The following CROCC2 variants were observed in gnomAD, a reference collection of about 807,000 sequenced individuals.
The protein encoded by CROCC2 is ciliary rootlet coiled-coil, rootletin family member 2.
A neutral mutation model predicts 177.6 loss-of-function variants in CROCC2; 163 were observed. That is an observed-to-expected ratio of 0.92 (90% CI 0.81 to 1.05). The LOEUF (loss-of-function observed/expected upper bound fraction) is 1.05, where lower values mean the gene tolerates loss of function less well. Among genes scored for constraint, CROCC2 ranks in the 50% least tolerant of loss-of-function variants. CROCC2 has a pLI of 0.00. For synonymous variants in CROCC2, 904 were observed against 787.3 expected, an observed-to-expected ratio of 1.15 and a Z score of -2.48; for missense variants, 1,929 against 1,797.8, an observed-to-expected ratio of 1.07 and a Z score of -1.32.
At chr2:240,987,787 T>G (rs77943515) in intron 28 of CROCC2, among the ~76,000 whole-genome samples, 12,466 of 152,324 alleles carry the variant, frequency 0.082, 587 homozygotes, top group Middle Eastern at 0.16. Flanking sequence ...CCAGCAGGCA[T>G]GACCCTCGGG....
intron 1 of CROCC2, among the ~76,000 whole-genome samples, chr2:240,907,578 G>C (rs1253283178): frequency 6.6e-6 from 1 of 152,184 alleles, no homozygotes; most frequent in African/African-American, 2.4e-5. Flanking sequence ...GGCCACAGCT[G>C]GTGCAGGTGA....
intron 1 of CROCC2, among the ~76,000 whole-genome samples, chr2:240,914,713 CG>C (rs889821590): frequency 3.3e-5 from 5 of 152,158 alleles, no homozygotes; most frequent in Non-Finnish European, 7.3e-5. Flanking sequence ...GGTGGGTGGG[CG>C]GGGGTCCCGA....
chr2:240,910,852 C>G (rs560450270), intron 1 of CROCC2, among the ~76,000 whole-genome samples: 1 of 152,158 alleles, frequency 6.6e-6, no homozygotes, highest in Admixed American at 6.5e-5. Flanking sequence ...TTTTTCTGGC[C>G]GGGTGCAGTG....
chr2:240,981,696 AG>A (rs1174287647), intron 27 of CROCC2: 1 of 152,266 alleles, frequency 6.6e-6, no homozygotes, highest in African/African-American at 2.4e-5. Flanking sequence ...TCACAGTCTT[AG>A]GTACAAGCAT....
chr2:240,913,164 C>G (rs2059299031), intron 1 of CROCC2, among the ~76,000 whole-genome samples: 2 of 152,168 alleles, frequency 1.3e-5, no homozygotes, highest in Admixed American at 1.3e-4. Flanking sequence ...ATTTGAGGCC[C>G]TCACGGTCTG....
chr2:240,993,136 G>A lies in CROCC2; in HGVS notation c.*55G>A, dbSNP rs774879223. ...TGGCTGCAGAGGAAGGGAACGCACC[G>A]CAGGTGGGAGGGGCCCAGCTGATTT... On this transcript the variant is annotated 3_prime_UTR_variant, in exon 32 of 32. Coordinates refer to ENST00000690015, the MANE Select transcript of CROCC2 (RefSeq NM_001351305.2). 15 of 711,960 alleles carry A rather than the reference G, an allele frequency of 2.1e-5. No homozygotes were observed. Among genetic ancestry groups the A allele is most frequent in the African/African-American group, 7.0e-5 (4 of 57,100 alleles). 44.1% of individuals were successfully genotyped at this position (711,960 alleles called of 1,614,324 possible). A position where few individuals can be genotyped will look rare whatever the true frequency, so the allele number is the denominator to read the frequency against.
chr2:240,989,741 G>A lies in CROCC2; in HGVS notation c.4771G>A (p.Glu1591Lys). The A allele has an allele frequency of 6.4e-7, 1 of 1,550,408 alleles. No homozygotes were observed. The highest frequency in any genetic ancestry group is 1.2e-5 in the South Asian group (1 of 84,056). The change falls in exon 30 of 32, where the codon GAG becomes AAG. Residue 1591 changes from glutamate to lysine, a missense_variant. Glu to Lys is a moderately conservative substitution (Grantham distance 56). Transcript: ENST00000690015. Reference sequence around the variant, plus strand: ...CCAGCGGGACCTGGCCACAGAGGCAGAGCGTCTCCATGGGGCCCGGCCGCA... The same window carrying A: ...CCAGCGGGACCTGGCCACAGAGGCAAAGCGTCTCCATGGGGCCCGGCCGCA... The part of the protein sequence containing the change: ...QHQRDLATEA[E>K]RLHGARPQAT...
intron 1 of CROCC2, among the ~76,000 whole-genome samples, chr2:240,913,676 C>T (rs545578501): frequency 2.6e-5 from 4 of 152,274 alleles, no homozygotes; most frequent in Admixed American, 1.3e-4. Flanking sequence ...CCCACAGAGG[C>T]ATGTTCCCGC....
chr2:240,911,031 T>A (rs1479520376), intron 1 of CROCC2, among the ~76,000 whole-genome samples: 1 of 152,006 alleles, frequency 6.6e-6, no homozygotes, highest in African/African-American at 2.4e-5. Flanking sequence ...CTCAGGAGGC[T>A]GAGGCAGGAG....
At chr2:240,915,102 A>C (rs1574743280) in intron 1 of CROCC2, among the ~76,000 whole-genome samples, 1 of 152,250 alleles carries the variant, frequency 6.6e-6, no homozygotes, top group South Asian at 2.1e-4. Flanking sequence ...ACCCCACCCC[A>C]GTGGAGAGCT....
Position 240,918,742 on chromosome 2 carries a change from T to C in CROCC2, c.95T>C (p.Ile32Thr). 3.5e-6 allele frequency: 2 copies of C among 577,668 alleles called. No individual in the cohort carries two copies. Among genetic ancestry groups the C allele is most frequent in the Non-Finnish European group, 6.3e-6 (2 of 318,810 alleles). 35.8% of individuals were successfully genotyped at this position (577,668 alleles called of 1,614,324 possible). A position where few individuals can be genotyped will look rare whatever the true frequency, so the allele number is the denominator to read the frequency against. Residue 32 changes from isoleucine (I) to threonine (T), a missense_variant, in exon 2 of 32, where the codon ATC becomes ACC. Physicochemically the swap from Ile to Thr is moderately conservative, Grantham distance 89. This residue lies in a region of CROCC2 where 1,397 missense variants were observed against 1,239.9 expected (regional missense o/e 1.13). Transcript: ENST00000690015. The surrounding 1 kb of genome is among the most constrained non-coding windows in gnomAD (Gnocchi z 6.3). ...GTCTTTCAGAGACTGGAGGACACCA[T>C]CCTGAGTCCCACAGCCAGCAGGGAA... is the stretch of plus-strand genomic sequence containing the variant. The part of the protein sequence containing the change: ...DTVIQRLEDT[I>T]LSPTASREDR...
chr2:240,959,402 C>T lies in CROCC2; in HGVS notation c.3045C>T (p.Ser1015=). ...HQRETTALRE[S]LQDLAAERGD... is the part of the protein sequence containing the mutation. ...GGGAGACCACGGCCCTACGCGAGAG[C>T]CTCCAGGACCTAGCGGCTGAGCGGG... is the stretch of plus-strand genomic sequence containing the variant. The change falls in exon 20 of 32, where the codon AGC becomes AGT. Residue 1015 remains serine (S), a synonymous_variant. Coordinates refer to ENST00000690015, the MANE Select transcript of CROCC2 (RefSeq NM_001351305.2). 1.3e-6 allele frequency: 2 copies of T among 1,550,488 alleles called. No homozygotes were observed. Among genetic ancestry groups the T allele is most frequent in the Non-Finnish European group, 1.7e-6 (2 of 1,146,912 alleles).
In CROCC2 at chr2:240,953,245, A is replaced by AC. The variant is rs779139072; in HGVS notation, c.2830-2613dup. ...GCCAACATGGTGAAACCCCGTCTCT[A>AC]CTAAAAAAAAAATACAAAAATTAGC... is the stretch of plus-strand genomic sequence containing the variant. On this transcript the variant is annotated intron_variant, in intron 18 of 31. Transcript: ENST00000690015. This position sits in a 1 kb window ranked among gnomAD's most constrained non-coding sequence, Gnocchi z 4.0. Among the ~76,000 whole-genome samples the AC allele has an allele frequency of 1.5e-5, 2 of 130,402 alleles. No individual in the cohort carries two copies. The highest frequency in any genetic ancestry group is 3.1e-5 in the Non-Finnish European group (2 of 64,956). 85.5% of individuals were successfully genotyped at this position (130,402 alleles called of 152,430 possible).
rs141845171 is a variant in CROCC2 at position 240,919,339 on chromosome 2, T to A, written c.229+463T>A. 2.0e-5 allele frequency among the ~76,000 whole-genome samples: 3 copies of A among 152,216 alleles called. No individual in the cohort carries two copies. The East Asian group carries it at 5.8e-4, about 30-fold the overall frequency. On this transcript the variant is annotated intron_variant, in intron 2 of 31. Coordinates refer to ENST00000690015, the MANE Select transcript of CROCC2 (RefSeq NM_001351305.2). ...GCGTCTCCGCTTCATTGGTGGTTTCTTCCTCAGCGTGGAAATGCTGGACAC... is the reference window on the plus strand; with the variant it reads ...GCGTCTCCGCTTCATTGGTGGTTTCATCCTCAGCGTGGAAATGCTGGACAC...
At chr2:240,943,670 G>C (rs2059506463) in intron 14 of CROCC2, among the ~76,000 whole-genome samples, 1 of 151,818 alleles carries the variant, frequency 6.6e-6, no homozygotes. Context: ...AGTAGAGATG[G>C]GGTTTCGCCA....
In CROCC2 at chr2:240,958,963, C is replaced by T. The variant is rs2059612374; in HGVS notation, c.2944-338C>T. 1 of 211,478 alleles carries T rather than the reference C, an allele frequency of 4.7e-6. No homozygotes were observed. The highest frequency in any genetic ancestry group is 5.8e-5 in the Admixed American group (1 of 17,122). The allele number at this position is 211,478 out of a possible 1,614,324, so 13.1% of individuals were successfully genotyped here. On this transcript the variant is annotated intron_variant, in intron 19 of 31. Transcript: ENST00000690015. This position sits in a 1 kb window ranked among gnomAD's most constrained non-coding sequence, Gnocchi z 6.7. ...GGAGCCGACTCCAGCTGAGCTCAGT[C>T]CCAAATGGAGGGTAGAGCTGCCCAG...
intron 14 of CROCC2, among the ~76,000 whole-genome samples, chr2:240,940,694 C>A (rs1341988683): frequency 6.6e-6 from 1 of 152,116 alleles, no homozygotes; most frequent in Non-Finnish European, 1.5e-5. Flanking sequence ...AAGGGACATA[C>A]CTTAAGGTAA....
At chr2:240,950,610 T>C in intron 18 of CROCC2, 100 bp downstream of exon 18, 1 of 1,237,504 alleles carries the variant, frequency 8.1e-7, no homozygotes, top group Non-Finnish European at 1.1e-6. Flanking sequence ...CTTAGGCAGG[T>C]CCAACCGCCT....
At position 240,965,784 on chromosome 2, in the gene CROCC2, C is replaced by G; in HGVS notation, c.3752C>G (p.Ala1251Gly). The G allele has an allele frequency of 6.7e-7, 1 of 1,489,848 alleles. No individual in the cohort carries two copies. The highest frequency in any genetic ancestry group is 8.9e-7 in the Non-Finnish European group (1 of 1,118,920). The allele number at this position is 1,489,848 out of a possible 1,614,324, so 92.3% of individuals were successfully genotyped here. The change falls in exon 24 of 32, where the codon GCC (alanine) becomes GGC (glycine). Residue 1251 changes from alanine (A) to glycine (G), a missense_variant. This residue lies in a region of CROCC2 where 144 missense variants were observed against 205.2 expected (regional missense o/e 0.70). Coordinates refer to ENST00000690015, the MANE Select transcript of CROCC2 (RefSeq NM_001351305.2). ...AGTGTCACCAGGAAGCTGCAGGAAGCCAGTGGTGTGGCTGATGCTCTCCAG... is the reference window on the plus strand; with the variant it reads ...AGTGTCACCAGGAAGCTGCAGGAAGGCAGTGGTGTGGCTGATGCTCTCCAG... The part of the protein sequence containing the change: ...LHSVTRKLQE[A>G]SGVADALQAR...
Sources: gnomAD v4.1 joint callset for allele counts (sites outside exome capture counted in the v4.1 genomes callset) on GRCh38, gnomAD v4.1.1 for gene constraint, gnomAD v4.1.1 regional missense constraint, Gnocchi (gnomAD v3.1) non-coding constraint, MANE v1.5 for transcripts, NCBI Gene and HGNC (gene_info 2026-07-23, HGNC 2026-07-21) for gene names.